The following NTM variants were observed in gnomAD, a reference collection of about 807,000 sequenced individuals.
NTM encodes the protein neurotrimin.
Under a neutral mutation model 42.1 loss-of-function variants are expected in NTM, and 13 were observed. The observed-to-expected ratio is 0.31, with a 90% confidence interval of 0.20 to 0.49. NTM has a LOEUF of 0.49. Among genes scored for constraint, NTM ranks in the 20% least tolerant of loss-of-function variants. The pLI, the probability that NTM is intolerant of heterozygous loss-of-function variation, is 0.99. For synonymous variants in NTM, 187 were observed against 179.2 expected (o/e 1.04, Z -0.35); for missense variants, 373 against 452.8 (o/e 0.82, Z 1.60).
chr11:131,564,585 G>A (rs1309043083), intron 1 of NTM, among the ~76,000 whole-genome samples: 1 of 152,072 alleles, frequency 6.6e-6, no homozygotes, highest in East Asian at 1.9e-4. Context: ...AACATGGTGA[G>A]TTTGGACATT....
At chr11:132,291,810 T>A (rs2094458659) in intron 4 of NTM, among the ~76,000 whole-genome samples, 1 of 152,204 alleles carries the variant, frequency 6.6e-6, no homozygotes, top group South Asian at 2.1e-4. Flanking sequence ...AAGAAAATGC[T>A]AAGATGTGTG....
At chr11:131,517,463 G>A (rs753893554) in intron 1 of NTM, among the ~76,000 whole-genome samples, 3 of 152,144 alleles carry the variant, frequency 2.0e-5, no homozygotes, top group Non-Finnish European at 4.4e-5. Flanking sequence ...CAAAACAATA[G>A]GCAGGCTGGA....
intron 2 of NTM, among the ~76,000 whole-genome samples, chr11:132,054,852 A>G (rs1166809427): frequency 6.6e-6 from 1 of 152,230 alleles, no homozygotes; most frequent in Non-Finnish European, 1.5e-5. Context: ...TAATTCCCTT[A>G]GATGATGGAA....
intron 1 of NTM, among the ~76,000 whole-genome samples, chr11:131,529,486 G>A (rs546844770): frequency 8.5e-5 from 13 of 152,244 alleles, no homozygotes; most frequent in Non-Finnish European, 1.5e-4. Flanking sequence ...AAATAGGATG[G>A]GGAAATGCAG....
Position 132,335,316 on chromosome 11 carries a change from GAA to G in NTM, c.*175_*176del. 1 of 724,148 alleles carries G rather than the reference GAA, an allele frequency of 1.4e-6. No homozygotes were observed. Among genetic ancestry groups the G allele is most frequent in the East Asian group, 2.9e-5 (1 of 33,902 alleles). 44.9% of individuals were successfully genotyped at this position (724,148 alleles called of 1,614,324 possible). The stretch of plus-strand genomic sequence containing the variant: ...AGGGGAACAAAGAATACTTTGGGGG[GAA>G]AAAAGTTTTAAAAAAGAAATTGAAA... On this transcript the variant is annotated 3_prime_UTR_variant, in exon 9 of 9. Coordinates refer to ENST00000683400, the MANE Select transcript of NTM (RefSeq NM_001352005.2).
At chr11:132,009,632 C>T (rs1238199247) in intron 2 of NTM, among the ~76,000 whole-genome samples, 3 of 152,174 alleles carry the variant, frequency 2.0e-5, no homozygotes, top group Non-Finnish European at 4.4e-5. Context: ...TGCTTTCGTG[C>T]ACTCTGTTTT....
In NTM at chr11:131,666,171, C is replaced by A. The variant is rs76598881; in HGVS notation, c.83-245393C>A. ...CCCAGGGCTATTGAATTCCTCAACC[C>A]ATGGTCAAGTGACTGAGTGAGGCCA... On this transcript the variant is annotated intron_variant, in intron 1 of 8. Transcript: ENST00000683400. Among the ~76,000 whole-genome samples, 386 of 152,252 alleles carry A rather than the reference C, an allele frequency of 2.5e-3. 3 individuals are homozygous for A. Among genetic ancestry groups the A allele is most frequent in the African/African-American group, 8.8e-3 (366 of 41,542 alleles).
intron 1 of NTM, chr11:131,546,715 C>T (rs2053994952): frequency 6.6e-6 from 1 of 152,294 alleles, no homozygotes; most frequent in South Asian, 2.1e-4. Context: ...CGAGGAGTGA[C>T]AAGCACCACG....
At chr11:132,079,843 C>T (rs1269177752) in intron 2 of NTM, among the ~76,000 whole-genome samples, 1 of 152,190 alleles carries the variant, frequency 6.6e-6, no homozygotes, top group Non-Finnish European at 1.5e-5. Context: ...AGCCACATCA[C>T]ACCTTTTTGT....
At chr11:132,033,318 G>T (rs1278287460) in intron 2 of NTM, among the ~76,000 whole-genome samples, 1 of 152,196 alleles carries the variant, frequency 6.6e-6, no homozygotes, top group African/African-American at 2.4e-5. Context: ...TTGGTGTCAG[G>T]CCGTCAAATG....
At chr11:131,794,623 T>TTGAA (rs112964113) in intron 1 of NTM, 697,356 of 940,244 alleles carry the variant, frequency 0.74, 258,272 homozygotes, top group East Asian at 0.79. Context: ...TGGATGAGTG[T>TTGAA]TGAATGAATG....
intron 1 of NTM, among the ~76,000 whole-genome samples, chr11:131,658,958 C>G (rs912443214): frequency 6.6e-6 from 1 of 151,814 alleles, no homozygotes; most frequent in Non-Finnish European, 1.5e-5. Flanking sequence ...GGTGACAGAG[C>G]GAGACTCCAA....
intron 1 of NTM, among the ~76,000 whole-genome samples, chr11:131,591,559 C>G (rs2059372267): frequency 6.6e-6 from 1 of 152,216 alleles, no homozygotes; most frequent in Non-Finnish European, 1.5e-5. Flanking sequence ...TACTGGTGAG[C>G]TGAGCTGGGT....
At chr11:131,501,658 G>A (rs1201257515) in intron 1 of NTM, among the ~76,000 whole-genome samples, 1 of 152,170 alleles carries the variant, frequency 6.6e-6, no homozygotes, top group African/African-American at 2.4e-5. Flanking sequence ...TGGCAAAGGG[G>A]GCTGTTGCAG....
intron 2 of NTM, among the ~76,000 whole-genome samples, chr11:132,063,338 G>A (rs574680400): frequency 6.6e-5 from 10 of 152,264 alleles, no homozygotes; most frequent in East Asian, 1.9e-4. Context: ...TCAGATTAAC[G>A]GACAGCCATG....
rs550370678 is a variant in NTM at position 131,371,950 on chromosome 11, A to G, written c.82+1062A>G. 1.6e-4 allele frequency among the ~76,000 whole-genome samples: 25 copies of G among 152,320 alleles called. 1 individual carries two copies. The South Asian group carries it at 4.3e-3, about 26-fold the overall frequency. On this transcript the variant is annotated intron_variant, in intron 1 of 8. Transcript: ENST00000683400. ...CTCAGTCCTATGCAGTTGTATTCCCAGAGGAAAGTTCCCTCTGACCCGGTG... is the reference window on the plus strand; with the variant it reads ...CTCAGTCCTATGCAGTTGTATTCCCGGAGGAAAGTTCCCTCTGACCCGGTG...
chr11:131,970,948 G>T (rs183534616), intron 2 of NTM, among the ~76,000 whole-genome samples: 1 of 152,236 alleles, frequency 6.6e-6, no homozygotes, highest in East Asian at 1.9e-4. Context: ...ATGGTGCATT[G>T]TATGCATATG....
At chr11:132,138,604 ATC>A (rs1419127229) in intron 2 of NTM, among the ~76,000 whole-genome samples, 4 of 55,306 alleles carry the variant, frequency 7.2e-5, no homozygotes, top group Non-Finnish European at 1.1e-4. Context: ...CTATCTATCT[ATC>A]TATCTATCTA....
At position 131,604,163 on chromosome 11, in the gene NTM, A is replaced by G. The variant is rs1397243925; in HGVS notation, c.82+233275A>G. On this transcript the variant is annotated intron_variant, in intron 1 of 8. Coordinates refer to ENST00000683400, the MANE Select transcript of NTM (RefSeq NM_001352005.2). ...ACATCAGCAGTGTGTGAGGGTTCCA[A>G]TTCTTCGAATCCTCCTCAATCCTTG... 2.6e-5 allele frequency among the ~76,000 whole-genome samples: 4 copies of G among 152,324 alleles called. No homozygotes were observed. The East Asian group carries it at 7.7e-4, about 29-fold the overall frequency.
Sources: allele counts gnomAD v4.1 joint callset (sites outside exome capture counted in the v4.1 genomes callset), GRCh38; gene constraint gnomAD v4.1.1; transcripts MANE v1.5; gene names NCBI Gene and HGNC (gene_info 2026-07-23, HGNC 2026-07-21).